The following CTIF variants were observed in gnomAD, a reference collection of about 807,000 sequenced individuals.
CTIF encodes the protein cap binding complex dependent translation initiation factor.
In CTIF, 21 loss-of-function variants were observed where a neutral mutation model predicts 66.0. The ratio of observed to expected loss-of-function variants is 0.32; its 90% CI spans 0.23 to 0.46. The LOEUF (loss-of-function observed/expected upper bound fraction) is 0.46, where lower values mean the gene tolerates loss of function less well. Ranked by LOEUF, CTIF falls within the 20% of genes least tolerant of loss-of-function variation. The pLI is 1.00. For synonymous variants in CTIF, 345 were observed against 326.4 expected, an observed-to-expected ratio of 1.06 and a Z score of -0.62; for missense variants, 739 against 812.7, an observed-to-expected ratio of 0.91 and a Z score of 1.10.
At chr18:48,844,667 T>A (rs1191299292) in intron 10 of CTIF, among the ~76,000 whole-genome samples, 1 of 152,190 alleles carries the variant, frequency 6.6e-6, no homozygotes, top group Non-Finnish European at 1.5e-5. Context: ...TTTCCTGACA[T>A]CTGACCATAA....
At chr18:48,792,661 C>G (rs1473234055) in intron 9 of CTIF, among the ~76,000 whole-genome samples, 1 of 152,114 alleles carries the variant, frequency 6.6e-6, no homozygotes, top group African/African-American at 2.4e-5. Flanking sequence ...GGTCTACTTT[C>G]AAGGAAGAGC....
intron 1 of CTIF, among the ~76,000 whole-genome samples, chr18:48,618,702 T>A (rs2090439342): frequency 6.6e-6 from 1 of 152,132 alleles, no homozygotes; most frequent in Non-Finnish European, 1.5e-5. Context: ...CAGGGCTGGG[T>A]TGAGCACATC....
At chr18:48,721,786 GGAA>G (rs1355973149) in intron 7 of CTIF, among the ~76,000 whole-genome samples, 2 of 151,842 alleles carry the variant, frequency 1.3e-5, no homozygotes, top group African/African-American at 4.8e-5. Context: ...CTCCTGTGCA[GGAA>G]GAAAAGAACA....
chr18:48,761,804 G>T lies in CTIF; in HGVS notation c.1371+115G>T. ...CACAGTTGGACTTTTCCCAAGTTCC[G>T]CCCTTGCCCGATTAATTATAGAAAA... On this transcript the variant is annotated intron_variant, in intron 9 of 11. Coordinates refer to ENST00000256413, the MANE Select transcript of CTIF (RefSeq NM_014772.3). The surrounding 1 kb of genome is among the most constrained non-coding windows in gnomAD (Gnocchi z 4.2). The T allele has an allele frequency of 2.9e-6, 3 of 1,018,764 alleles. No individual in the cohort carries two copies. The highest frequency in any genetic ancestry group is 4.2e-6 in the Non-Finnish European group (3 of 708,976). The allele number at this position is 1,018,764 out of a possible 1,614,324, so 63.1% of individuals were successfully genotyped here.
At chr18:48,810,453 A>G (rs1445215797) in intron 9 of CTIF, among the ~76,000 whole-genome samples, 4 of 152,140 alleles carry the variant, frequency 2.6e-5, no homozygotes, top group Non-Finnish European at 5.9e-5. Context: ...TTTCTTTAGA[A>G]GAATACCTTT....
chr18:48,545,408 G>A (rs1261697024), intron 1 of CTIF, among the ~76,000 whole-genome samples: 1 of 152,048 alleles, frequency 6.6e-6, no homozygotes, highest in South Asian at 2.1e-4. Context: ...ACGGCATCCA[G>A]GTCATAGGGG....
intron 9 of CTIF, among the ~76,000 whole-genome samples, chr18:48,805,398 C>A (rs1195100786): frequency 6.9e-6 from 1 of 144,346 alleles, no homozygotes; most frequent in Non-Finnish European, 1.5e-5. Flanking sequence ...GGGGGCTTCA[C>A]TGGTGGGGGG....
At chr18:48,819,397 G>T (rs1359651937) in intron 10 of CTIF, among the ~76,000 whole-genome samples, 1 of 152,220 alleles carries the variant, frequency 6.6e-6, no homozygotes, top group African/African-American at 2.4e-5. Flanking sequence ...GAGCAGCACT[G>T]TTCTAGGGCA....
intron 3 of CTIF, among the ~76,000 whole-genome samples, chr18:48,643,213 T>A (rs1254322635): frequency 6.6e-6 from 1 of 152,128 alleles, no homozygotes; most frequent in Non-Finnish European, 1.5e-5. Context: ...AAAATCAACT[T>A]GTAAAAGGCA....
chr18:48,658,385 C>T (rs1437449595), intron 3 of CTIF, among the ~76,000 whole-genome samples: 7 of 150,808 alleles, frequency 4.6e-5, no homozygotes, highest in Non-Finnish European at 8.9e-5. Context: ...TACATGTATA[C>T]CACATGTATA....
chr18:48,569,510 A>G (rs1293095401), intron 1 of CTIF, among the ~76,000 whole-genome samples: 1 of 152,220 alleles, frequency 6.6e-6, no homozygotes, highest in Non-Finnish European at 1.5e-5. Flanking sequence ...AAAAATTTCT[A>G]TTAACTTGCT....
intron 6 of CTIF, among the ~76,000 whole-genome samples, chr18:48,673,178 G>A (rs1227082268): frequency 1.3e-5 from 2 of 152,180 alleles, no homozygotes; most frequent in African/African-American, 4.8e-5. Context: ...CCTGGACTCT[G>A]GGCTGCCTGA....
At chr18:48,593,682 A>G (rs886391509) in intron 1 of CTIF, among the ~76,000 whole-genome samples, 2 of 151,220 alleles carry the variant, frequency 1.3e-5, no homozygotes, top group African/African-American at 2.4e-5. Flanking sequence ...ACACCCGGCC[A>G]ATTCGAATTC....
chr18:48,776,880 C>T (rs1386606592), intron 9 of CTIF, among the ~76,000 whole-genome samples: 1 of 152,246 alleles, frequency 6.6e-6, no homozygotes, highest in African/African-American at 2.4e-5. Flanking sequence ...CTCTGGGCTG[C>T]AGGAGATCCG....
At position 48,671,693 on chromosome 18, in the gene CTIF, T is replaced by C. The variant is rs1044573678; in HGVS notation, c.507+949T>C. On this transcript the variant is annotated intron_variant, in intron 6 of 11. Transcript: ENST00000256413. ...CTGTAGGTTTATAGTTTCATCAAATTTGGAAAATTTTCAGCCACGATTCCT... is the reference window on the plus strand; with the variant it reads ...CTGTAGGTTTATAGTTTCATCAAATCTGGAAAATTTTCAGCCACGATTCCT... 3.3e-5 allele frequency among the ~76,000 whole-genome samples: 5 copies of C among 151,910 alleles called. No homozygotes were observed. In the East Asian group the frequency reaches 7.8e-4, roughly 24 times the overall value.
intron 7 of CTIF, among the ~76,000 whole-genome samples, chr18:48,751,944 T>TATTC (rs71976839): frequency 0.028 from 4,282 of 151,006 alleles, 149 homozygotes; most frequent in African/African-American, 0.084. Flanking sequence ...CATCATTTAT[T>TATTC]ATTCATTCAT....
At chr18:48,734,452 G>A (rs967691345) in intron 7 of CTIF, among the ~76,000 whole-genome samples, 3 of 152,194 alleles carry the variant, frequency 2.0e-5, no homozygotes, top group African/African-American at 7.2e-5. Context: ...TGTAGTCCCC[G>A]CTACTCGGGA....
At chr18:48,781,541 G>C (rs1911221888) in intron 9 of CTIF, among the ~76,000 whole-genome samples, 1 of 152,206 alleles carries the variant, frequency 6.6e-6, no homozygotes, top group African/African-American at 2.4e-5. Context: ...CTGCCGGCGA[G>C]GGTGGCTGGA....
intron 7 of CTIF, among the ~76,000 whole-genome samples, chr18:48,716,638 A>G (rs1184654433): frequency 6.6e-6 from 1 of 151,964 alleles, no homozygotes; most frequent in Non-Finnish European, 1.5e-5. Context: ...CCCCAATTGA[A>G]CTACATAGAA....
Sources: allele counts gnomAD v4.1 joint callset (sites outside exome capture counted in the v4.1 genomes callset), GRCh38; gene constraint gnomAD v4.1.1; non-coding constraint Gnocchi (gnomAD v3.1); transcripts MANE v1.5; gene names NCBI Gene and HGNC (gene_info 2026-07-23, HGNC 2026-07-21).